Variants in IFNG-AS1 observed in about 807,000 individuals in gnomAD.
The protein encoded by IFNG-AS1 is IFNG antisense RNA 1 (non-protein coding).
chr12:67,989,838 G>C (rs1449862135), intron 1 of IFNG-AS1, among the ~76,000 whole-genome samples: 1 of 152,128 alleles, frequency 6.6e-6, no homozygotes, highest in Non-Finnish European at 1.5e-5. Flanking sequence ...TCTATTTCAG[G>C]AAGCTCACAA....
In IFNG-AS1 at chr12:68,009,582, C is replaced by G. The variant is rs534640464; in HGVS notation, n.241+3436C>G. 2.0e-5 allele frequency among the ~76,000 whole-genome samples: 3 copies of G among 152,268 alleles called. No individual in the cohort carries two copies. The East Asian group carries it at 5.8e-4, about 29-fold the overall frequency. On this transcript the variant is annotated intron_variant and non_coding_transcript_variant, in intron 3 of 5. Transcript: ENST00000536914. ...GGTCTCGATCTCTTGGCCTCGTGAT[C>G]CACCCACCTCAGTCTCCCAAAGTGC...
chr12:67,993,098 C>T (rs1274290737), intron 1 of IFNG-AS1, among the ~76,000 whole-genome samples: 4 of 152,204 alleles, frequency 2.6e-5, no homozygotes, highest in African/African-American at 7.2e-5. Flanking sequence ...CCCCATTAGG[C>T]TCGAATCACT....
rs371158974 is a variant in IFNG-AS1, at chr12:68,001,351, C to T, written n.185-4739C>T. 8 of 184,404 alleles carry T rather than the reference C, an allele frequency of 4.3e-5. No individual in the cohort carries two copies. The East Asian group carries it at 8.2e-4, about 19-fold the overall frequency. 11.4% of individuals were successfully genotyped at this position (184,404 alleles called of 1,614,324 possible). On this transcript the variant is annotated intron_variant and non_coding_transcript_variant, in intron 2 of 5. Transcript: ENST00000536914. ...GTTGATATGGTAAGATGCCAGTGAC[C>T]CCAGTACAGCATGAATCTGAGTGCC...
intron 3 of IFNG-AS1, among the ~76,000 whole-genome samples, chr12:68,010,555 C>T (rs1171794448): frequency 6.6e-6 from 1 of 152,204 alleles, no homozygotes; most frequent in Non-Finnish European, 1.5e-5. Flanking sequence ...AACATGCTGC[C>T]TTCCATCTGA....
At chr12:67,997,492 A>G (rs755457058) in intron 2 of IFNG-AS1, among the ~76,000 whole-genome samples, 1 of 151,876 alleles carries the variant, frequency 6.6e-6, no homozygotes, top group Non-Finnish European at 1.5e-5. Context: ...AAGCATAAAG[A>G]CCCAATGAAA....
intron 1 of IFNG-AS1, among the ~76,000 whole-genome samples, chr12:67,991,560 T>C (rs1019275173): frequency 2.6e-5 from 4 of 152,174 alleles, no homozygotes; most frequent in African/African-American, 9.7e-5. Flanking sequence ...GATAATAAGA[T>C]CACTTGTGGG....
At chr12:67,994,417 T>C (rs1879587037) in intron 1 of IFNG-AS1, among the ~76,000 whole-genome samples, 1 of 152,212 alleles carries the variant, frequency 6.6e-6, no homozygotes, top group African/African-American at 2.4e-5. Flanking sequence ...TGTGGGGATC[T>C]CCTACCCCTC....
chr12:67,990,305 A>G (rs543041920), intron 1 of IFNG-AS1, among the ~76,000 whole-genome samples: 12 of 152,226 alleles, frequency 7.9e-5, no homozygotes, highest in Non-Finnish European at 1.3e-4. Flanking sequence ...AACAATATCT[A>G]CAAAGTCAAG....
intron 1 of IFNG-AS1, among the ~76,000 whole-genome samples, chr12:67,991,737 C>T (rs1319338013): frequency 1.3e-5 from 2 of 152,232 alleles, no homozygotes; most frequent in Non-Finnish European, 2.9e-5. Context: ...CCTCACATGA[C>T]TCCTCTCTTT....
At chr12:68,019,633 C>T (rs1458323267) in intron 3 of IFNG-AS1, among the ~76,000 whole-genome samples, 1 of 152,114 alleles carries the variant, frequency 6.6e-6, no homozygotes, top group Admixed American at 6.6e-5. Flanking sequence ...AGAGTAGGTG[C>T]CTCTAATGTC....
intron 2 of IFNG-AS1, among the ~76,000 whole-genome samples, chr12:68,005,336 G>T (rs1879881266): frequency 6.6e-6 from 1 of 152,142 alleles, no homozygotes. Context: ...AGACAATCCT[G>T]TCTGCTGACT....
chr12:68,006,964 C>A (rs1268597904), intron 3 of IFNG-AS1, among the ~76,000 whole-genome samples: 1 of 152,146 alleles, frequency 6.6e-6, no homozygotes, highest in African/African-American at 2.4e-5. Context: ...TTTCAAGATT[C>A]TAAAATAGTG....
intron 1 of IFNG-AS1, among the ~76,000 whole-genome samples, chr12:67,994,999 T>G (rs986053536): frequency 6.6e-6 from 1 of 152,252 alleles, no homozygotes; most frequent in African/African-American, 2.4e-5. Flanking sequence ...AATACACAGA[T>G]GAAGCTCAAT....
At chr12:67,996,055 T>A (rs926262113) in exon 2 of IFNG-AS1, 1 of 152,188 alleles carries the variant, frequency 6.6e-6, no homozygotes, top group African/African-American at 2.4e-5. Context: ...GATAAGCATA[T>A]TCCATGAAAT....
At chr12:68,013,513 T>C (rs1880078892) in intron 3 of IFNG-AS1, 1 of 152,234 alleles carries the variant, frequency 6.6e-6, no homozygotes, top group Admixed American at 6.5e-5. Context: ...CCTACTGATC[T>C]ATTAATACCT....
chr12:68,006,377 C>T (rs1012476477), intron 3 of IFNG-AS1, among the ~76,000 whole-genome samples: 28 of 152,096 alleles, frequency 1.8e-4, no homozygotes, highest in African/African-American at 2.4e-5. Context: ...ATGTATAAAA[C>T]ATTGAAAAAC....
chr12:68,013,174 A>G (rs1265498670), intron 3 of IFNG-AS1, among the ~76,000 whole-genome samples: 2 of 152,262 alleles, frequency 1.3e-5, no homozygotes, highest in Non-Finnish European at 2.9e-5. Context: ...AGTTTGCAGC[A>G]CATATTTTTA....
intron 2 of IFNG-AS1, among the ~76,000 whole-genome samples, chr12:68,002,625 A>C (rs1290837154): frequency 6.6e-6 from 1 of 152,208 alleles, no homozygotes. Context: ...TTAATCTTAG[A>C]CATAGACCCA....
chr12:68,008,918 G>A (rs1323210551), intron 3 of IFNG-AS1, among the ~76,000 whole-genome samples: 1 of 152,202 alleles, frequency 6.6e-6, no homozygotes, highest in African/African-American at 2.4e-5. Flanking sequence ...TCAGTGAACA[G>A]GATGAGTGTC....
Sources: gnomAD v4.1 joint callset for allele counts (sites outside exome capture counted in the v4.1 genomes callset) on GRCh38, gnomAD v4.1.1 for gene constraint, MANE v1.5 for transcripts, NCBI Gene and HGNC (gene_info 2026-07-23, HGNC 2026-07-21) for gene names.